The following FAM186A variants were observed in gnomAD, a reference collection of about 807,000 sequenced individuals.
FAM186A encodes family with sequence similarity 186 member A.
FAM186A carries 163 observed loss-of-function variants against 216.8 expected under a neutral mutation model. The observed-to-expected ratio is 0.75, with a 90% confidence interval of 0.66 to 0.86. The LOEUF (loss-of-function observed/expected upper bound fraction) is 0.86, where lower values mean the gene tolerates loss of function less well. Ranked by LOEUF, FAM186A falls within the 40% of genes least tolerant of loss-of-function variation. FAM186A has a pLI of 0.00. For missense variants in FAM186A, 2,184 were observed against 2,746.2 expected (o/e 0.80, Z 4.58); for synonymous variants, 805 against 1,025.3 (o/e 0.79, Z 4.10).
chr12:50,382,202 C>T (rs1187350426), intron 1 of FAM186A, among the ~76,000 whole-genome samples: 1 of 146,432 alleles, frequency 6.8e-6, no homozygotes. Flanking sequence ...ACACATATCA[C>T]ACCACTGCAC....
At chr12:50,380,429 A>G (rs966146824) in intron 1 of FAM186A, among the ~76,000 whole-genome samples, 15 of 149,528 alleles carry the variant, frequency 1.0e-4, no homozygotes, top group African/African-American at 3.7e-4. Context: ...TAATCCCTGC[A>G]CTTTGGGAGA....
chr12:50,358,322 T>C (rs926729325), intron 3 of FAM186A, among the ~76,000 whole-genome samples: 5 of 152,148 alleles, frequency 3.3e-5, no homozygotes, highest in Admixed American at 6.5e-5. Context: ...GACTCATGCC[T>C]ATAATCCCAG....
chr12:50,381,857 G>A (rs915836522), intron 1 of FAM186A, among the ~76,000 whole-genome samples: 1 of 152,012 alleles, frequency 6.6e-6, no homozygotes, highest in African/African-American at 2.4e-5. Flanking sequence ...CTACTGAAGG[G>A]GCTGAGGTGG....
rs1219247110 is a variant in FAM186A, at chr12:50,363,281, A to G, written c.276T>C (p.Ser92=). 4.5e-6 allele frequency: 7 copies of G among 1,551,456 alleles called. No individual in the cohort carries two copies. The highest frequency in any genetic ancestry group is 6.1e-6 in the Non-Finnish European group (7 of 1,146,966). The stretch of plus-strand genomic sequence containing the variant: ...GTTCTGTAAGGGAGACATTCCTTTC[A>G]GAGGACGAGTTAAAAACAAGAGTAT... ...TRYTLVFNSS[S]ERNVSLTEHK... The change falls in exon 2 of 8, where the codon TCT becomes TCC. Residue 92 remains serine, a synonymous_variant. Coordinates refer to ENST00000327337, the MANE Select transcript of FAM186A (RefSeq NM_001145475.3).
rs71083540 is a variant in FAM186A, at chr12:50,348,038, A to ATTTT, written c.6503+2287_6503+2290dup. On this transcript the variant is annotated intron_variant, in intron 4 of 7. Coordinates refer to ENST00000327337, the MANE Select transcript of FAM186A (RefSeq NM_001145475.3). ...CAGGTGTGAGCCACAATGCCTGGTA[A>ATTTT]TTTTTTTTTTTTTTTTTTTTTTTTG... Among the ~76,000 whole-genome samples, 513 of 81,288 alleles carry ATTTT rather than the reference A, an allele frequency of 6.3e-3. 9 individuals carry two copies. Among genetic ancestry groups the ATTTT allele is most frequent in the Middle Eastern group, 0.01 (1 of 100 alleles). The allele number at this position is 81,288 out of a possible 152,430, so 53.3% of individuals were successfully genotyped here.
chr12:50,390,486 AT>A (rs1449531160), intron 1 of FAM186A, among the ~76,000 whole-genome samples: 1 of 152,182 alleles, frequency 6.6e-6, no homozygotes, highest in East Asian at 1.9e-4. Context: ...TTAAGTAAGA[AT>A]TTAGTAGGCT....
chr12:50,385,888 C>A (rs1238522734), intron 1 of FAM186A, among the ~76,000 whole-genome samples: 7 of 148,638 alleles, frequency 4.7e-5, no homozygotes, highest in Non-Finnish European at 1.0e-4. Flanking sequence ...GGCAACAGAG[C>A]GAGACTCCAT....
At chr12:50,347,573 A>G (rs1485665779) in intron 4 of FAM186A, among the ~76,000 whole-genome samples, 1 of 151,878 alleles carries the variant, frequency 6.6e-6, no homozygotes, top group Non-Finnish European at 1.5e-5. Flanking sequence ...CCTACTAAAA[A>G]TACAAAAATT....
rs1592599753 is a variant in FAM186A at position 50,339,727 on chromosome 12, G to A, written c.6504-5624C>T. Reference sequence around the variant, plus strand: ...CTTTTTCTTTGTGTTCTAAGTATTAGCCACAAAGTACTTTACACACACACA... The same window carrying A: ...CTTTTTCTTTGTGTTCTAAGTATTAACCACAAAGTACTTTACACACACACA... On this transcript the variant is annotated intron_variant, in intron 4 of 7. Coordinates refer to ENST00000327337, the MANE Select transcript of FAM186A (RefSeq NM_001145475.3). Among the ~76,000 whole-genome samples the A allele has an allele frequency of 3.6e-5, 5 of 138,396 alleles. No individual in the cohort carries two copies. The East Asian group carries it at 1.1e-3, about 30-fold the overall frequency. The allele number at this position is 138,396 out of a possible 152,430, so 90.8% of individuals were successfully genotyped here. A position where few individuals can be genotyped will look rare whatever the true frequency, so the allele number is the denominator to read the frequency against.
intron 5 of FAM186A, among the ~76,000 whole-genome samples, chr12:50,333,143 G>A (rs746939816): frequency 6.6e-6 from 1 of 152,208 alleles, no homozygotes; most frequent in Non-Finnish European, 1.5e-5. Flanking sequence ...TTCCAAAGTA[G>A]CAAGTAAACT....
In FAM186A at chr12:50,393,879, G is replaced by C. The variant is rs147910858; in HGVS notation, c.192+2414C>G. Among the ~76,000 whole-genome samples the C allele has an allele frequency of 7.5e-3, 1,143 of 152,284 alleles. 6 individuals carry two copies. Among genetic ancestry groups the C allele is most frequent in the Non-Finnish European group, 0.012 (840 of 68,014 alleles). On this transcript the variant is annotated intron_variant, in intron 1 of 7. Transcript: ENST00000327337. ...TTGCTAGTTGCCAGAAGTTGGAACA[G>C]GAGAAAGTCTGTGTGAGGAGTGGGA...
rs368820710 is a variant in FAM186A at position 50,360,851 on chromosome 12, G to A, written c.488C>T (p.Pro163Leu). Residue 163 changes from proline (P) to leucine (L), a missense_variant, in exon 3 of 8, where the codon CCG (proline) becomes CTG (leucine). Transcript: ENST00000327337. ...HHWIAQMELL[P>L]DTLKAIENNV... ...GTTCTCAATAGCTTTTAACGTGTCC[G>A]GTAACAACTCCATTTGTGCTATCCA... 69 of 1,550,856 alleles carry A rather than the reference G, an allele frequency of 4.4e-5. No homozygotes were observed. The African/African-American group carries it at 7.3e-4, about 16-fold the overall frequency.
chr12:50,372,295 T>G (rs574300156), intron 1 of FAM186A, among the ~76,000 whole-genome samples: 17 of 151,960 alleles, frequency 1.1e-4, no homozygotes, highest in Admixed American at 9.2e-4. Context: ...CATAGTATGG[T>G]GGTTAAGAAA....
At chr12:50,343,016 G>A (rs540194644) in intron 4 of FAM186A, among the ~76,000 whole-genome samples, 1 of 151,432 alleles carries the variant, frequency 6.6e-6, no homozygotes, top group Non-Finnish European at 1.5e-5. Context: ...TTGGGATGCC[G>A]AGGTGGTAGG....
At chr12:50,396,149 G>C (rs1371515546) in intron 1 of FAM186A, 144 bp downstream of exon 1, 1 of 655,116 alleles carries the variant, frequency 1.5e-6, no homozygotes. Flanking sequence ...GTCGGTGTCA[G>C]GTGAAATTGT....
At chr12:50,372,628 C>T (rs1171991989) in intron 1 of FAM186A, among the ~76,000 whole-genome samples, 10 of 150,456 alleles carry the variant, frequency 6.6e-5, no homozygotes, top group Admixed American at 2.7e-4. Context: ...AGGCCGGGCA[C>T]GGTGGTTCAC....
At chr12:50,343,530 G>C (rs1244337163) in intron 4 of FAM186A, among the ~76,000 whole-genome samples, 2 of 152,162 alleles carry the variant, frequency 1.3e-5, no homozygotes, top group South Asian at 2.1e-4. Context: ...TCCGTCTCCC[G>C]GGCTCAAGCA....
At chr12:50,327,477 A>G in intron 7 of FAM186A, 73 bp from the exon 8 acceptor site, 3 of 1,144,154 alleles carry the variant, frequency 2.6e-6, no homozygotes, top group Non-Finnish European at 2.5e-6. Context: ...TAGGTGAGTC[A>G]TAGGGAAAAT....
At position 50,353,756 on chromosome 12, in the gene FAM186A, C is replaced by T. The variant is rs568327662; in HGVS notation, c.3076G>A (p.Gly1026Arg). ...TTCAGATTCCTCTGAAACTCTTTTCCTTCATATGACCGCTGTACATCTTTC... is the reference window on the plus strand; with the variant it reads ...TTCAGATTCCTCTGAAACTCTTTTCTTTCATATGACCGCTGTACATCTTTC... ...VLKDVQRSYE[G>R]KEFQRNLKTL... Residue 1026 changes from glycine (G) to arginine (R), a missense_variant, in exon 4 of 8, where the codon GGA becomes AGA. By Grantham distance (125) the Gly-to-Arg change is moderately radical. Coordinates refer to ENST00000327337, the MANE Select transcript of FAM186A (RefSeq NM_001145475.3). The T allele has an allele frequency of 1.3e-6, 2 of 1,550,748 alleles. No individual in the cohort carries two copies. The highest frequency in any genetic ancestry group is 1.7e-6 in the Non-Finnish European group (2 of 1,146,736).
Sources: allele counts gnomAD v4.1 joint callset (sites outside exome capture counted in the v4.1 genomes callset), GRCh38; gene constraint gnomAD v4.1.1; transcripts MANE v1.5; gene names NCBI Gene and HGNC (gene_info 2026-07-23, HGNC 2026-07-21).